Variants in TRAPPC3L observed in about 807,000 individuals in gnomAD.
TRAPPC3L encodes trafficking protein particle complex subunit 3-like protein.
Under a neutral mutation model 23.7 loss-of-function variants are expected in TRAPPC3L, and 23 were observed. The observed-to-expected ratio is 0.97, with a 90% CI of 0.70 to 1.37. The LOEUF (loss-of-function observed/expected upper bound fraction) is 1.37. TRAPPC3L is among the 40% of genes most tolerant of loss of function. The pLI, the probability that TRAPPC3L is intolerant of heterozygous loss-of-function variation, is 0.00. For synonymous variants in TRAPPC3L, 81 were observed against 77.9 expected, an observed-to-expected ratio of 1.04 and a Z score of -0.21; for missense variants, 212 against 216.8, an observed-to-expected ratio of 0.98 and a Z score of 0.14.
intron 3 of TRAPPC3L, among the ~76,000 whole-genome samples, chr6:116,502,702 G>A (rs979490754): frequency 6.6e-6 from 1 of 152,244 alleles, no homozygotes; most frequent in Non-Finnish European, 1.5e-5. Context: ...CAAGCCAGAA[G>A]AGAGTGGGGG....
At chr6:116,541,165 C>T (rs1301401871) in intron 2 of TRAPPC3L, among the ~76,000 whole-genome samples, 1 of 151,896 alleles carries the variant, frequency 6.6e-6, no homozygotes, top group Non-Finnish European at 1.5e-5. Context: ...TGATTATACA[C>T]ACACTGAATA....
intron 3 of TRAPPC3L, among the ~76,000 whole-genome samples, chr6:116,531,507 G>A (rs1026295500): frequency 6.6e-6 from 1 of 152,144 alleles, no homozygotes; most frequent in African/African-American, 2.4e-5. Context: ...GAGGGTTCAA[G>A]ATAGACTAAA....
At chr6:116,500,777 A>G in intron 3 of TRAPPC3L, 111 bp from the exon 4 acceptor site, 1 of 911,852 alleles carries the variant, frequency 1.1e-6, no homozygotes, top group Non-Finnish European at 1.7e-6. Context: ...AAGCACATGG[A>G]GTCTATAGTC....
At chr6:116,543,648 A>G (rs1773597260) in intron 1 of TRAPPC3L, 2 of 681,452 alleles carry the variant, frequency 2.9e-6, no homozygotes, top group Admixed American at 2.9e-5. Flanking sequence ...ACATCTTTCT[A>G]TGCATTTGCT....
rs930875060 is a variant in TRAPPC3L, at chr6:116,496,357, T to C, written c.*597A>G. On this transcript the variant is annotated 3_prime_UTR_variant, in exon 5 of 5. Coordinates refer to ENST00000368602, the MANE Select transcript of TRAPPC3L (RefSeq NM_001139444.3). ...TAAAACTAAATAAATTAAAATTAAA[T>C]GTTATTTATAAATGTTTCAAAATTA... The C allele has an allele frequency of 2.6e-5, 4 of 152,216 alleles. No individual in the cohort carries two copies. The highest frequency in any genetic ancestry group is 9.6e-5 in the African/African-American group (4 of 41,468). 9.4% of individuals were successfully genotyped at this position (152,216 alleles called of 1,614,324 possible).
In TRAPPC3L at chr6:116,497,086, A is replaced by G. The variant is rs1184958081; in HGVS notation, c.427-13T>C. On this transcript the variant is annotated splice_polypyrimidine_tract_variant and intron_variant, in intron 4 of 4. Coordinates refer to ENST00000368602, the MANE Select transcript of TRAPPC3L (RefSeq NM_001139444.3). ...CCGCCAAATGAACCTAGGAAAGAAG[A>G]AAAAAACAGGCCTGTGTCATTCAAT... 1.3e-6 allele frequency: 2 copies of G among 1,536,210 alleles called. No homozygotes were observed.
chr6:116,525,273 G>C (rs1029480751), intron 3 of TRAPPC3L, among the ~76,000 whole-genome samples: 5 of 152,140 alleles, frequency 3.3e-5, no homozygotes, highest in African/African-American at 4.8e-5. Context: ...TGGGAATAGA[G>C]GTCTATCTCC....
chr6:116,497,522 A>G (rs1422591135), intron 4 of TRAPPC3L, among the ~76,000 whole-genome samples: 1 of 152,230 alleles, frequency 6.6e-6, no homozygotes, highest in Non-Finnish European at 1.5e-5. Context: ...CACTTATCCT[A>G]ACAACATTTA....
chr6:116,507,092 A>C (rs1321167400), intron 3 of TRAPPC3L, among the ~76,000 whole-genome samples: 1 of 135,372 alleles, frequency 7.4e-6, no homozygotes, highest in Non-Finnish European at 1.7e-5. Flanking sequence ...TGTGGAGATA[A>C]TATGGTTTGT....
At chr6:116,514,221 G>A (rs1353643449) in intron 3 of TRAPPC3L, among the ~76,000 whole-genome samples, 1 of 152,160 alleles carries the variant, frequency 6.6e-6, no homozygotes, top group Non-Finnish European at 1.5e-5. Flanking sequence ...GGGACCTGAA[G>A]CTGATGGAAT....
At chr6:116,533,898 C>T (rs1015249381) in intron 3 of TRAPPC3L, among the ~76,000 whole-genome samples, 11 of 152,210 alleles carry the variant, frequency 7.2e-5, no homozygotes, top group African/African-American at 2.7e-4. Flanking sequence ...CCCACTTACA[C>T]CCTAATGTGA....
At chr6:116,541,294 T>A (rs558814885) in intron 2 of TRAPPC3L, among the ~76,000 whole-genome samples, 7 of 152,312 alleles carry the variant, frequency 4.6e-5, no homozygotes, top group Admixed American at 1.3e-4. Flanking sequence ...GCAATCTAGC[T>A]GAGAAAATGT....
chr6:116,505,633 A>G (rs1361001261), intron 3 of TRAPPC3L, among the ~76,000 whole-genome samples: 1 of 152,226 alleles, frequency 6.6e-6, no homozygotes, highest in Non-Finnish European at 1.5e-5. Context: ...ACAAGGTTAC[A>G]GTAACCAAAA....
At chr6:116,497,784 G>C (rs1240203752) in intron 4 of TRAPPC3L, among the ~76,000 whole-genome samples, 2 of 152,064 alleles carry the variant, frequency 1.3e-5, no homozygotes, top group Non-Finnish European at 2.9e-5. Context: ...GAGTTATTTT[G>C]ATTTATTGGG....
chr6:116,535,013 G>C (rs568329430), intron 3 of TRAPPC3L, among the ~76,000 whole-genome samples: 1 of 152,222 alleles, frequency 6.6e-6, no homozygotes, highest in African/African-American at 2.4e-5. Context: ...ATGGACCTGA[G>C]AGCAAAAAGC....
intron 3 of TRAPPC3L, chr6:116,515,899 C>T (rs768483579): frequency 1.2e-6 from 2 of 1,613,886 alleles, no homozygotes; most frequent in South Asian, 1.1e-5. Flanking sequence ...ACTATAGCAC[C>T]CTCCACAGAG....
chr6:116,514,249 G>C (rs1772179297), intron 3 of TRAPPC3L, among the ~76,000 whole-genome samples: 1 of 152,136 alleles, frequency 6.6e-6, no homozygotes, highest in Non-Finnish European at 1.5e-5. Flanking sequence ...AATTCAGCTG[G>C]AACTGGCTCA....
At chr6:116,506,176 A>T (rs1450545854) in intron 3 of TRAPPC3L, among the ~76,000 whole-genome samples, 2 of 152,206 alleles carry the variant, frequency 1.3e-5, no homozygotes, top group Non-Finnish European at 2.9e-5. Flanking sequence ...TGTACAAGGA[A>T]AAAACAACCC....
At chr6:116,529,355 C>T (rs958994443) in intron 3 of TRAPPC3L, among the ~76,000 whole-genome samples, 3 of 151,948 alleles carry the variant, frequency 2.0e-5, no homozygotes, top group Non-Finnish European at 2.9e-5. Flanking sequence ...AAGACAGTGG[C>T]GAGATATTAA....
Sources: gnomAD v4.1 joint callset for allele counts (sites outside exome capture counted in the v4.1 genomes callset) on GRCh38, gnomAD v4.1.1 for gene constraint, MANE v1.5 for transcripts, NCBI Gene and HGNC (gene_info 2026-07-23, HGNC 2026-07-21) for gene names.